The following MTX2 variants were observed in gnomAD, a reference collection of about 807,000 sequenced individuals.
MTX2 encodes metaxin 2, also known as metaxin-2.
MTX2 carries 35 observed loss-of-function variants against 42.3 expected under a neutral mutation model. That is an observed-to-expected ratio of 0.83 (90% confidence interval 0.63 to 1.10). The LOEUF is 1.10. Among genes scored for constraint, MTX2 ranks in the 50% least tolerant of loss-of-function variants. The pLI, the probability that MTX2 is intolerant of heterozygous loss-of-function variation, is 0.00. For synonymous variants in MTX2, 119 were observed against 100.9 expected, an observed-to-expected ratio of 1.18 and a Z score of -1.08; for missense variants, 307 against 304.1, an observed-to-expected ratio of 1.01 and a Z score of -0.07.
chr2:176,302,126 G>GTTTTTTTTTTTTT (rs80143449), intron 3 of MTX2, among the ~76,000 whole-genome samples: 8 of 125,268 alleles, frequency 6.4e-5, no homozygotes, highest in African/African-American at 2.3e-4. Flanking sequence ...AAAAGCTGGT[G>GTTTTTTTTTTTTT]TTTTTTTTTT....
At chr2:176,335,141 C>T (rs1035639863) in intron 9 of MTX2, among the ~76,000 whole-genome samples, 1 of 151,968 alleles carries the variant, frequency 6.6e-6, no homozygotes, top group Admixed American at 6.6e-5. Context: ...TTTGAGTGGT[C>T]TGAGGAGACT....
intron 1 of MTX2, among the ~76,000 whole-genome samples, chr2:176,272,365 TTAATAA>T (rs1380370177): frequency 3.3e-5 from 5 of 152,200 alleles, no homozygotes; most frequent in Admixed American, 6.5e-5. Context: ...GTGACCACAG[TTAATAA>T]TAATGTATTA....
At chr2:176,300,404 A>G (rs577011790) in intron 3 of MTX2, among the ~76,000 whole-genome samples, 52 of 152,226 alleles carry the variant, frequency 3.4e-4, no homozygotes, top group Non-Finnish European at 6.9e-4. Context: ...GTATATCCAA[A>G]TATTATTTTA....
At chr2:176,294,475 C>A (rs1049089269) in intron 1 of MTX2, among the ~76,000 whole-genome samples, 1 of 151,880 alleles carries the variant, frequency 6.6e-6, no homozygotes, top group African/African-American at 2.4e-5. Flanking sequence ...GTGGAGATGG[C>A]CATCTTGGCC....
At chr2:176,333,607 AT>A (rs147718417) in intron 9 of MTX2, among the ~76,000 whole-genome samples, 1,588 of 151,822 alleles carry the variant, frequency 0.01, 27 homozygotes, top group African/African-American at 0.037. Flanking sequence ...TACAAAAAAT[AT>A]GCTTTAAAGG....
At chr2:176,296,778 A>G (rs1683896255) in intron 1 of MTX2, 82 bp from the exon 2 acceptor site, 3 of 1,406,096 alleles carry the variant, frequency 2.1e-6, no homozygotes, top group East Asian at 4.6e-5. Flanking sequence ...TGCTGTAGGC[A>G]AATGTACATG....
At chr2:176,312,685 GA>G (rs35534179) in intron 3 of MTX2, among the ~76,000 whole-genome samples, 2,408 of 151,996 alleles carry the variant, frequency 0.016, 30 homozygotes, top group Middle Eastern at 0.027. Flanking sequence ...CCAACATGGT[GA>G]AACCCCATCT....
intron 3 of MTX2, among the ~76,000 whole-genome samples, chr2:176,299,620 A>G (rs564992347): frequency 6.6e-6 from 1 of 152,212 alleles, no homozygotes; most frequent in East Asian, 1.9e-4. Context: ...GTTTTCTTCA[A>G]TATTCTTTGG....
At chr2:176,287,964 A>G (rs1261354880) in intron 1 of MTX2, among the ~76,000 whole-genome samples, 1 of 151,726 alleles carries the variant, frequency 6.6e-6, no homozygotes, top group African/African-American at 2.4e-5. Context: ...TCTCCAACAC[A>G]AGCCATTTTC....
intron 2 of MTX2, 121 bp downstream of exon 2, chr2:176,297,028 T>C: frequency 9.0e-7 from 1 of 1,105,060 alleles, no homozygotes; most frequent in East Asian, 2.5e-5. Flanking sequence ...TTCCCTTGTA[T>C]AATTTGTCTA....
chr2:176,334,169 A>G (rs1353292869), intron 9 of MTX2, among the ~76,000 whole-genome samples: 1 of 151,780 alleles, frequency 6.6e-6, no homozygotes, highest in African/African-American at 2.4e-5. Context: ...CTTCAGGGGT[A>G]CTTCTGGAGC....
chr2:176,300,976 G>T (rs1176564349), intron 3 of MTX2, among the ~76,000 whole-genome samples: 1 of 152,096 alleles, frequency 6.6e-6, no homozygotes, highest in African/African-American at 2.4e-5. Context: ...ATGGAAGCTT[G>T]CAGCCTTCAT....
intron 3 of MTX2, among the ~76,000 whole-genome samples, chr2:176,312,356 C>T (rs1035910108): frequency 1.7e-4 from 26 of 152,082 alleles, no homozygotes; most frequent in African/African-American, 6.0e-4. Flanking sequence ...ACAAGATAGA[C>T]ATTGTCTATG....
intron 3 of MTX2, among the ~76,000 whole-genome samples, chr2:176,298,583 C>G (rs1222928418): frequency 6.6e-6 from 1 of 152,084 alleles, no homozygotes; most frequent in Non-Finnish European, 1.5e-5. Flanking sequence ...TTATAGTTAT[C>G]CAAACATTTT....
At chr2:176,328,254 A>C in intron 5 of MTX2, 39 bp from the exon 6 acceptor site, 1 of 1,327,124 alleles carries the variant, frequency 7.5e-7, no homozygotes, top group Non-Finnish European at 1.0e-6. Flanking sequence ...TTGTATATTT[A>C]ATATGATGTT....
Position 176,296,888 on chromosome 2 carries a change from A to G in MTX2, c.69A>G (p.Thr23=). 6.2e-7 allele frequency: 1 copy of G among 1,613,556 alleles called. No homozygotes were observed. Among genetic ancestry groups the G allele is most frequent in the Non-Finnish European group, 8.5e-7 (1 of 1,179,634 alleles). ...CAGAACCTTGGCCTGAAAATGCTAC[A>G]TTATATCAGCAATTGAAAGGTAAGT... ...AAAEPWPENA[T]LYQQLKGEQI... Residue 23 remains threonine (T), a synonymous_variant, in exon 2 of 10, where the codon ACA becomes ACG. Coordinates refer to ENST00000249442, the MANE Select transcript of MTX2 (RefSeq NM_006554.5).
At chr2:176,279,732 T>G (rs895995229) in intron 1 of MTX2, among the ~76,000 whole-genome samples, 1 of 152,150 alleles carries the variant, frequency 6.6e-6, no homozygotes, top group Non-Finnish European at 1.5e-5. Context: ...ACATTGAGAT[T>G]GTGAATTATT....
intron 9 of MTX2, among the ~76,000 whole-genome samples, chr2:176,336,359 C>A (rs887261150): frequency 1.3e-5 from 2 of 152,020 alleles, no homozygotes; most frequent in African/African-American, 4.8e-5. Flanking sequence ...GATTTTGTCT[C>A]CTTCAGAAAT....
chr2:176,299,201 G>A (rs1163573306), intron 3 of MTX2, among the ~76,000 whole-genome samples: 1 of 152,036 alleles, frequency 6.6e-6, no homozygotes, highest in Non-Finnish European at 1.5e-5. Context: ...TTGGGTAGAT[G>A]CCAGAGATGC....
Sources: gnomAD v4.1 joint callset for allele counts (sites outside exome capture counted in the v4.1 genomes callset) on GRCh38, gnomAD v4.1.1 for gene constraint, MANE v1.5 for transcripts, NCBI Gene and HGNC (gene_info 2026-07-23, HGNC 2026-07-21) for gene names.